STPG2: variants seen among roughly 807,000 people sequenced by gnomAD.
STPG2 encodes sperm-tail PG-rich repeat-containing protein 2.
STPG2 carries 56 observed loss-of-function variants against 54.2 expected under a neutral mutation model. The observed-to-expected ratio is 1.03, with a 90% confidence interval of 0.83 to 1.29. The LOEUF is 1.29. STPG2 is among the 50% of genes most tolerant of loss of function. The pLI is 0.00. For missense variants in STPG2, 596 were observed against 544.9 expected, an observed-to-expected ratio of 1.09 and a Z score of -0.93; for synonymous variants, 200 against 181.8, an observed-to-expected ratio of 1.10 and a Z score of -0.81.
At chr4:98,088,265 T>C (rs1738585300) in intron 5 of STPG2, among the ~76,000 whole-genome samples, 1 of 152,186 alleles carries the variant, frequency 6.6e-6, no homozygotes, top group Non-Finnish European at 1.5e-5. Context: ...TGATAAGAAG[T>C]ATTCTCTGAC....
chr4:98,139,900 C>T (rs1289295933), intron 1 of STPG2, among the ~76,000 whole-genome samples: 1 of 152,082 alleles, frequency 6.6e-6, no homozygotes, highest in Non-Finnish European at 1.5e-5. Context: ...TGTTTTTGAA[C>T]TTATGTGTTA....
chr4:97,803,118 C>G (rs1727448562), intron 9 of STPG2, among the ~76,000 whole-genome samples: 1 of 152,088 alleles, frequency 6.6e-6, no homozygotes, highest in South Asian at 2.1e-4. Flanking sequence ...CAGGCCTACT[C>G]AATACTAAGA....
intron 10 of STPG2, among the ~76,000 whole-genome samples, chr4:97,665,970 A>G (rs903043283): frequency 2.6e-5 from 4 of 152,134 alleles, no homozygotes; most frequent in African/African-American, 9.7e-5. Context: ...AGAAGCAGGC[A>G]CTTACAAGCC....
chr4:97,884,602 C>T (rs182166487), intron 8 of STPG2, among the ~76,000 whole-genome samples: 6 of 152,068 alleles, frequency 3.9e-5, no homozygotes, highest in Admixed American at 3.9e-4. Flanking sequence ...TTGTTTATAC[C>T]ATCTACTCTG....
intron 9 of STPG2, among the ~76,000 whole-genome samples, chr4:97,796,581 C>A (rs1354629505): frequency 6.6e-6 from 1 of 152,162 alleles, no homozygotes; most frequent in Admixed American, 6.5e-5. Flanking sequence ...GGTACTAGTA[C>A]CATGCTGTTT....
intron 6 of STPG2, among the ~76,000 whole-genome samples, chr4:97,977,729 C>G (rs1239061079): frequency 6.6e-6 from 1 of 152,140 alleles, no homozygotes; most frequent in African/African-American, 2.4e-5. Context: ...AAGAGTGAGA[C>G]TCAATCTCTC....
rs777734548 is a variant in STPG2 at position 97,712,715 on chromosome 4, C to T, written c.1304G>A (p.Gly435Asp). The T allele has an allele frequency of 2.5e-6, 4 of 1,592,198 alleles. No homozygotes were observed. The highest frequency in any genetic ancestry group is 2.7e-5 in the African/African-American group (2 of 74,208). ...TTGACAAACCTCATATGTTGCTGGGCCTGGAGTAATCTCTTTGGACTCTTC... is the reference window on the plus strand; with the variant it reads ...TTGACAAACCTCATATGTTGCTGGGTCTGGAGTAATCTCTTTGGACTCTTC... Reference protein sequence around the residue: ...RFEESKEITPGPATYEISQEK... With the variant: ...RFEESKEITPDPATYEISQEK... The change falls in exon 10 of 11, where the codon GGC becomes GAC. Residue 435 changes from glycine (G) to aspartate (D), a missense_variant. Gly to Asp is a moderately conservative substitution (Grantham distance 94). Coordinates refer to ENST00000295268, the MANE Select transcript of STPG2 (RefSeq NM_174952.3).
intron 4 of STPG2, among the ~76,000 whole-genome samples, chr4:97,454,880 T>G (rs1315079237): frequency 1.3e-5 from 2 of 152,118 alleles, no homozygotes; most frequent in African/African-American, 2.4e-5. Context: ...TTATTCCTAA[T>G]ATAGAAAAAA....
intron 6 of STPG2, among the ~76,000 whole-genome samples, chr4:97,979,728 C>CT (rs769113705): frequency 0.032 from 4,455 of 140,132 alleles, 75 homozygotes; most frequent in African/African-American, 0.05. Context: ...TCCACAATTT[C>CT]TTTTTTTTTT....
At chr4:97,767,919 G>A (rs1253773121) in intron 9 of STPG2, among the ~76,000 whole-genome samples, 1 of 152,186 alleles carries the variant, frequency 6.6e-6, no homozygotes. Context: ...TGTAATCCCA[G>A]CACTTTGGGA....
chr4:97,502,705 T>C (rs577586749), intron 4 of STPG2, among the ~76,000 whole-genome samples: 1 of 150,598 alleles, frequency 6.6e-6, no homozygotes, highest in African/African-American at 2.4e-5. Flanking sequence ...AAAAATAGAG[T>C]TGCAAGGCAG....
At chr4:97,957,050 G>C (rs1170383320) in intron 7 of STPG2, among the ~76,000 whole-genome samples, 2 of 145,404 alleles carry the variant, frequency 1.4e-5, no homozygotes, top group East Asian at 4.0e-4. Flanking sequence ...GAGAAAGTCA[G>C]AGCCCAATTT....
intron 8 of STPG2, among the ~76,000 whole-genome samples, chr4:97,877,061 T>A (rs746846032): frequency 2.6e-5 from 4 of 152,202 alleles, no homozygotes; most frequent in Admixed American, 6.5e-5. Flanking sequence ...AATTAACAAA[T>A]CCATCACCTT....
intron 8 of STPG2, among the ~76,000 whole-genome samples, chr4:97,923,351 G>A (rs150319835): frequency 0.019 from 1,766 of 91,850 alleles, 31 homozygotes; most frequent in African/African-American, 0.066. Context: ...GACAAGTGCC[G>A]CCCCCTGCTC....
intron 4 of STPG2, among the ~76,000 whole-genome samples, chr4:97,467,422 T>C (rs1236370633): frequency 6.6e-6 from 1 of 151,878 alleles, no homozygotes; most frequent in Non-Finnish European, 1.5e-5. Context: ...CATCATTCAA[T>C]ACTAATGGCA....
At chr4:97,718,027 G>A (rs2149012908) in intron 9 of STPG2, among the ~76,000 whole-genome samples, 1 of 152,096 alleles carries the variant, frequency 6.6e-6, no homozygotes, top group South Asian at 2.1e-4. Flanking sequence ...AGGCAAAAAA[G>A]TAGAATAAGT....
chr4:97,539,208 T>G (rs1731625866), intron 4 of STPG2, among the ~76,000 whole-genome samples: 1 of 152,158 alleles, frequency 6.6e-6, no homozygotes, highest in Non-Finnish European at 1.5e-5. Context: ...ACCTTAAATG[T>G]AAATGGACTA....
chr4:97,691,307 C>T (rs1256268887), intron 10 of STPG2, among the ~76,000 whole-genome samples: 2 of 152,048 alleles, frequency 1.3e-5, no homozygotes, highest in East Asian at 1.9e-4. Flanking sequence ...CCAGCTGCCT[C>T]GAAATAAACT....
At chr4:97,893,123 C>T (rs1299707079) in intron 8 of STPG2, 1 of 152,118 alleles carries the variant, frequency 6.6e-6, no homozygotes, top group Non-Finnish European at 1.5e-5. Context: ...AAACTAACTA[C>T]ATTCCTCATT....
Sources: gnomAD v4.1 joint callset for allele counts (sites outside exome capture counted in the v4.1 genomes callset) on GRCh38, gnomAD v4.1.1 for gene constraint, MANE v1.5 for transcripts, NCBI Gene and HGNC (gene_info 2026-07-23, HGNC 2026-07-21) for gene names.